Variants in LTBP1 observed in about 807,000 individuals in gnomAD.
LTBP1 encodes the protein latent-transforming growth factor beta-binding protein 1.
Under a neutral mutation model 207.6 loss-of-function variants are expected in LTBP1, and 129 were observed. The observed-to-expected ratio is 0.62, with a 90% CI of 0.54 to 0.72. The LOEUF (loss-of-function observed/expected upper bound fraction) is 0.72. Among genes scored for constraint, LTBP1 ranks in the 30% least tolerant of loss-of-function variants. The probability of loss-of-function intolerance (pLI) is 0.00; values close to 1 mark genes in which losing one functional copy is unlikely to be tolerated. For synonymous variants in LTBP1, 963 were observed against 833.7 expected (o/e 1.16, Z -2.67); for missense variants, 2,281 against 2,217.2 (o/e 1.03, Z -0.58).
intron 4 of LTBP1, among the ~76,000 whole-genome samples, chr2:33,111,383 G>A (rs2080390122): frequency 6.6e-6 from 1 of 152,204 alleles, no homozygotes; most frequent in Non-Finnish European, 1.5e-5. Flanking sequence ...TGGAGAAAAC[G>A]TTCTGGAGTA....
At chr2:33,025,420 C>T (rs377231397) in intron 3 of LTBP1, among the ~76,000 whole-genome samples, 17 of 152,210 alleles carry the variant, frequency 1.1e-4, no homozygotes, top group African/African-American at 3.9e-4. Context: ...TTCAACAAAA[C>T]AATTCCAAAA....
At chr2:33,217,724 T>C (rs1488016111) in intron 8 of LTBP1, 70 bp downstream of exon 8, 1 of 1,039,930 alleles carries the variant, frequency 9.6e-7, no homozygotes, top group Non-Finnish European at 1.5e-6. Flanking sequence ...ACTCCTTTAA[T>C]GATGAGGCAA....
intron 7 of LTBP1, among the ~76,000 whole-genome samples, chr2:33,215,711 C>CTTTTTTTTTTTTTT (rs201936680): frequency 2.4e-5 from 3 of 126,040 alleles, no homozygotes; most frequent in Non-Finnish European, 3.4e-5. Flanking sequence ...CATTGGTTTT[C>CTTTTTTTTTTTTTT]TTTTGTTTTT....
intron 14 of LTBP1, 150 bp downstream of exon 14, chr2:33,262,971 G>A (rs1383485057): frequency 1.9e-6 from 1 of 539,884 alleles, no homozygotes; most frequent in Non-Finnish European, 3.3e-6. Context: ...TATAATGTTA[G>A]CATAATTACA....
At chr2:33,251,154 C>G (rs1022041466) in intron 10 of LTBP1, among the ~76,000 whole-genome samples, 1 of 152,202 alleles carries the variant, frequency 6.6e-6, no homozygotes, top group African/African-American at 2.4e-5. Flanking sequence ...GACTGGCCCA[C>G]CTGGTAGCCT....
intron 5 of LTBP1, among the ~76,000 whole-genome samples, chr2:33,175,895 G>T (rs4442976): frequency 0.36 from 35,269 of 98,040 alleles, 6,980 homozygotes; most frequent in Non-Finnish European, 0.4. Flanking sequence ...CTCAGTAAAC[G>T]ATCGCAAGAA....
chr2:33,105,840 A>G (rs1379550232), intron 3 of LTBP1, among the ~76,000 whole-genome samples: 1 of 152,174 alleles, frequency 6.6e-6, no homozygotes, highest in East Asian at 1.9e-4. Flanking sequence ...ATAAGACAAC[A>G]ATGAAGTTTG....
At chr2:33,127,961 G>A (rs191329674) in intron 4 of LTBP1, among the ~76,000 whole-genome samples, 118 of 152,308 alleles carry the variant, frequency 7.7e-4, no homozygotes, top group Non-Finnish European at 1.4e-3. Flanking sequence ...ACCTAGGTAG[G>A]AAAGGGGCTT....
chr2:33,223,772 G>C (rs192848454), intron 9 of LTBP1, among the ~76,000 whole-genome samples: 1 of 152,240 alleles, frequency 6.6e-6, no homozygotes, highest in African/African-American at 2.4e-5. Flanking sequence ...GTTCATTATT[G>C]TCTTTTGGTT....
chr2:33,041,859 A>G (rs1329117053), intron 3 of LTBP1, among the ~76,000 whole-genome samples: 1 of 152,178 alleles, frequency 6.6e-6, no homozygotes, highest in Non-Finnish European at 1.5e-5. Flanking sequence ...AGTTGCATTT[A>G]TTTGAAGAGG....
At chr2:33,170,039 AG>A (rs1164833581) in intron 5 of LTBP1, among the ~76,000 whole-genome samples, 2 of 152,238 alleles carry the variant, frequency 1.3e-5, no homozygotes, top group Non-Finnish European at 2.9e-5. Flanking sequence ...ATGGCCGAAT[AG>A]GAACAGCTCT....
At position 33,130,378 on chromosome 2, in the gene LTBP1, C is replaced by T. The variant is rs551421753; in HGVS notation, c.1034-4415C>T. On this transcript the variant is annotated intron_variant, in intron 4 of 33. Transcript: ENST00000404816. ...TAATGTGCTGTTGCGGCATTCTGGA[C>T]GAATGCTGAGGAGACTGTATTTGTT... Among the ~76,000 whole-genome samples, 18 of 152,254 alleles carry T rather than the reference C, an allele frequency of 1.2e-4. No individual in the cohort carries two copies. In the East Asian group the frequency reaches 2.5e-3, roughly 21 times the overall value.
At chr2:32,976,230 G>T (rs1681755168) in intron 2 of LTBP1, among the ~76,000 whole-genome samples, 1 of 152,166 alleles carries the variant, frequency 6.6e-6, no homozygotes, top group African/African-American at 2.4e-5. Flanking sequence ...TTTGTGTTAG[G>T]AACCTGGTGT....
At chr2:33,303,781 T>C (rs1217424939) in intron 22 of LTBP1, among the ~76,000 whole-genome samples, 1 of 152,108 alleles carries the variant, frequency 6.6e-6, no homozygotes, top group Non-Finnish European at 1.5e-5. Context: ...CAGGCGGTAA[T>C]GCTCGCTCCC....
At chr2:33,047,410 T>C (rs906539713) in intron 3 of LTBP1, among the ~76,000 whole-genome samples, 1 of 152,202 alleles carries the variant, frequency 6.6e-6, no homozygotes, top group Admixed American at 6.5e-5. Context: ...TCAGTTTCCA[T>C]GTAGTTGTGC....
intron 9 of LTBP1, among the ~76,000 whole-genome samples, chr2:33,225,935 G>A (rs940232539): frequency 6.6e-6 from 1 of 152,068 alleles, no homozygotes; most frequent in Admixed American, 6.5e-5. Context: ...TGACTGATTA[G>A]TATTCTGTTT....
chr2:33,162,373 A>T (rs974157216), intron 5 of LTBP1, among the ~76,000 whole-genome samples: 2 of 152,210 alleles, frequency 1.3e-5, no homozygotes, highest in Admixed American at 1.3e-4. Context: ...TCATGACTAT[A>T]TATCTAATAA....
chr2:33,001,563 GAGA>G lies in LTBP1; in HGVS notation c.566-19340_566-19338del, dbSNP rs941526848. The stretch of plus-strand genomic sequence containing the variant: ...CTCCTTTGGTGTTAAAATATATGAG[GAGA>G]AGAAGTGCTGGAATGAAGAAATCAG... On this transcript the variant is annotated intron_variant, in intron 2 of 33. Transcript: ENST00000404816. Among the ~76,000 whole-genome samples, 3 of 134,940 alleles carry G rather than the reference GAGA, an allele frequency of 2.2e-5. 1 individual carries two copies. Among genetic ancestry groups the G allele is most frequent in the South Asian group, 5.2e-4 (2 of 3,834 alleles). The allele number at this position is 134,940 out of a possible 152,430, so 88.5% of individuals were successfully genotyped here.
chr2:33,127,837 T>C (rs954695245), intron 4 of LTBP1, among the ~76,000 whole-genome samples: 1 of 152,146 alleles, frequency 6.6e-6, no homozygotes, highest in Non-Finnish European at 1.5e-5. Context: ...GAAAAGGTTT[T>C]TAGGGAAAGG....
Sources: gnomAD v4.1 joint callset for allele counts (sites outside exome capture counted in the v4.1 genomes callset) on GRCh38, gnomAD v4.1.1 for gene constraint, MANE v1.5 for transcripts, NCBI Gene and HGNC (gene_info 2026-07-23, HGNC 2026-07-21) for gene names.